Variants in PDE1C observed in about 807,000 individuals in gnomAD.
PDE1C encodes dual specificity calcium/calmodulin-dependent 3',5'-cyclic nucleotide phosphodiesterase 1C.
Under a neutral mutation model 93.1 loss-of-function variants are expected in PDE1C, and 62 were observed. The ratio of observed to expected loss-of-function variants is 0.67; its 90% confidence interval spans 0.54 to 0.82. The LOEUF (loss-of-function observed/expected upper bound fraction) is 0.82, where lower values mean the gene tolerates loss of function less well. PDE1C is among the 40% of genes least tolerant of loss of function. The probability of loss-of-function intolerance (pLI) is 0.00; values close to 1 mark genes in which losing one functional copy is unlikely to be tolerated. For missense variants in PDE1C, 742 were observed against 884.6 expected (o/e 0.84, Z 2.04); for synonymous variants, 325 against 310.1 (o/e 1.05, Z -0.50).
chr7:31,949,041 G>A (rs1309678924), intron 2 of PDE1C, among the ~76,000 whole-genome samples: 3 of 152,132 alleles, frequency 2.0e-5, no homozygotes, highest in Non-Finnish European at 4.4e-5. Context: ...AGATTATATT[G>A]GCCAGGGGAA....
chr7:31,665,403 A>G, the PDE1C span, among the ~76,000 whole-genome samples: 1 of 152,166 alleles, frequency 6.6e-6, no homozygotes, highest in Non-Finnish European at 1.5e-5. Context: ...TCCTACTGAA[A>G]TGTCAGCCTT....
the PDE1C span, among the ~76,000 whole-genome samples, chr7:31,670,879 T>C: frequency 6.6e-6 from 1 of 152,156 alleles, no homozygotes; most frequent in African/African-American, 2.4e-5. Flanking sequence ...GAGAAGCAGC[T>C]GGAGGTCGGA....
chr7:32,133,920 G>C (rs1563340893), intron 3 of PDE1C, among the ~76,000 whole-genome samples: 1 of 151,754 alleles, frequency 6.6e-6, no homozygotes, highest in Non-Finnish European at 1.5e-5. Context: ...GGAAATTTCA[G>C]CTGGTAAATA....
At chr7:31,691,077 G>T in the PDE1C span, among the ~76,000 whole-genome samples, 1 of 152,108 alleles carries the variant, frequency 6.6e-6, no homozygotes, top group Non-Finnish European at 1.5e-5. Context: ...CAGGGAGTTG[G>T]CAATCTCTAT....
At chr7:32,026,092 A>G (rs188111942) in intron 2 of PDE1C, among the ~76,000 whole-genome samples, 5 of 152,182 alleles carry the variant, frequency 3.3e-5, no homozygotes, top group Admixed American at 3.3e-4. Flanking sequence ...ATACACACAC[A>G]CGCGTGCACT....
chr7:31,988,347 T>A (rs1783683826), intron 2 of PDE1C, among the ~76,000 whole-genome samples: 1 of 152,202 alleles, frequency 6.6e-6, no homozygotes, highest in Non-Finnish European at 1.5e-5. Flanking sequence ...TGACCAAAGG[T>A]AATAATGCCA....
chr7:32,165,498 A>C (rs1007105258), intron 3 of PDE1C, among the ~76,000 whole-genome samples: 4 of 152,226 alleles, frequency 2.6e-5, no homozygotes, highest in South Asian at 2.1e-4. Flanking sequence ...AGGCCTCAGG[A>C]AACTTACAAC....
chr7:32,194,797 ATCT>A lies in PDE1C; in HGVS notation c.136+14689_136+14691del, dbSNP rs563795250. On this transcript the variant is annotated intron_variant, in intron 2 of 18. Coordinates refer to the PDE1C transcript ENST00000396193. Reference sequence around the variant, plus strand: ...TAATTATTGATATGTCAGGGCTTACATCTTCTTTTATTTTTTATTTCCTGTTTG... The same window carrying A: ...TAATTATTGATATGTCAGGGCTTACATCTTTTATTTTTTATTTCCTGTTTG... Among the ~76,000 whole-genome samples, 338 of 152,240 alleles carry A rather than the reference ATCT, an allele frequency of 2.2e-3. 2 individuals carry two copies. Among genetic ancestry groups the A allele is most frequent in the African/African-American group, 7.8e-3 (325 of 41,552 alleles).
intron 1 of PDE1C, among the ~76,000 whole-genome samples, chr7:32,403,126 C>T (rs1784983507): frequency 6.6e-6 from 1 of 152,150 alleles, no homozygotes; most frequent in Non-Finnish European, 1.5e-5. Context: ...ATGATCATCC[C>T]ACGAATTTCT....
At chr7:32,059,782 GA>G (rs1584646716) in intron 1 of PDE1C, among the ~76,000 whole-genome samples, 1 of 151,962 alleles carries the variant, frequency 6.6e-6, no homozygotes, top group Non-Finnish European at 1.5e-5. Flanking sequence ...TGGCACCAAG[GA>G]AAAAACAGGG....
At chr7:31,730,609 G>A in the PDE1C span, among the ~76,000 whole-genome samples, 2 of 152,144 alleles carry the variant, frequency 1.3e-5, no homozygotes, top group Admixed American at 6.6e-5. Flanking sequence ...TTATTTTTCC[G>A]GTTGGAAAGT....
the PDE1C span, among the ~76,000 whole-genome samples, chr7:31,631,077 A>G: frequency 2.0e-5 from 3 of 152,224 alleles, no homozygotes; most frequent in South Asian, 6.2e-4. Flanking sequence ...AAGTTTTTAA[A>G]AAGTTTCATC....
intron 17 of PDE1C, among the ~76,000 whole-genome samples, chr7:31,768,190 TG>T (rs1047303223): frequency 6.6e-6 from 1 of 152,134 alleles, no homozygotes; most frequent in Non-Finnish European, 1.5e-5. Flanking sequence ...GCTTTCTACT[TG>T]GGGGGTTGGC....
At chr7:32,198,227 A>T (rs1804752157) in intron 2 of PDE1C, among the ~76,000 whole-genome samples, 2 of 152,174 alleles carry the variant, frequency 1.3e-5, no homozygotes, top group South Asian at 2.1e-4. Flanking sequence ...TATTTCTCTC[A>T]ATTTAAAATT....
At chr7:31,932,219 G>T (rs1316905632) in intron 2 of PDE1C, among the ~76,000 whole-genome samples, 1 of 152,128 alleles carries the variant, frequency 6.6e-6, no homozygotes, top group African/African-American at 2.4e-5. Context: ...TGACAAATAG[G>T]ATCTAATTAA....
intron 1 of PDE1C, among the ~76,000 whole-genome samples, chr7:32,255,598 C>G (rs1809731704): frequency 6.6e-6 from 1 of 152,106 alleles, no homozygotes; most frequent in Non-Finnish European, 1.5e-5. Context: ...TACGAAAGGT[C>G]ATGGAAGCCA....
At position 32,077,031 on chromosome 7, in the gene PDE1C, G is replaced by A. The variant is rs1173783181; in HGVS notation, c.308+92754C>T. Reference sequence around the variant, plus strand: ...GCAGGCAGATTGCCTGAGGTCAAGAGTTCAAGGCAAGCCTGGCTACCATGG... The same window carrying A: ...GCAGGCAGATTGCCTGAGGTCAAGAATTCAAGGCAAGCCTGGCTACCATGG... On this transcript the variant is annotated intron_variant, in intron 3 of 18. Coordinates refer to the PDE1C transcript ENST00000396193. Among the ~76,000 whole-genome samples, 3 of 151,788 alleles carry A rather than the reference G, an allele frequency of 2.0e-5. No homozygotes were observed. In the East Asian group the frequency reaches 5.8e-4, roughly 29 times the overall value.
At chr7:31,781,205 C>G (rs1476522204) in intron 16 of PDE1C, among the ~76,000 whole-genome samples, 1 of 152,214 alleles carries the variant, frequency 6.6e-6, no homozygotes, top group African/African-American at 2.4e-5. Context: ...TGATTTGCAG[C>G]TTAACCTCAA....
upstream of PDE1C, chr7:32,070,856 GGAGCCGGCGCGGGCGGTGGGGCCT>G (rs1349788234): frequency 3.0e-6 from 3 of 986,260 alleles, no homozygotes; most frequent in Non-Finnish European, 3.6e-6. Flanking sequence ...GAGCAAAGCG[GGAGCCGGCGCGGGCGGTGGGGCCT>G]GACCCGGACG....
Sources: gnomAD v4.1 joint callset for allele counts (sites outside exome capture counted in the v4.1 genomes callset) on GRCh38, gnomAD v4.1.1 for gene constraint, MANE v1.5 for transcripts, NCBI Gene and HGNC (gene_info 2026-07-23, HGNC 2026-07-21) for gene names.